Variants in NSL1 observed in about 807,000 individuals in gnomAD.
The protein encoded by NSL1 is kinetochore-associated protein NSL1 homolog.
A neutral mutation model predicts 25.4 loss-of-function variants in NSL1; 11 were observed. The ratio of observed to expected loss-of-function variants is 0.43; its 90% confidence interval spans 0.27 to 0.72. NSL1 has a LOEUF of 0.72. Among genes scored for constraint, NSL1 ranks in the 30% least tolerant of loss-of-function variants. The pLI is 0.19. For missense variants in NSL1, 330 were observed against 342.7 expected (o/e 0.96, Z 0.29); for synonymous variants, 118 against 120.6 (o/e 0.98, Z 0.14).
intron 4 of NSL1, chr1:212,782,021 A>G (rs746050849): frequency 1.8e-6 from 1 of 546,020 alleles, no homozygotes; most frequent in Non-Finnish European, 3.6e-6. Flanking sequence ...TGACACTATG[A>G]GAGAATGCTT....
intron 4 of NSL1, among the ~76,000 whole-genome samples, chr1:212,740,763 A>G (rs1319781806): frequency 6.6e-6 from 1 of 152,202 alleles, no homozygotes; most frequent in Non-Finnish European, 1.5e-5. Context: ...TGCTTATTCT[A>G]AAATTTCAGA....
intron 4 of NSL1, among the ~76,000 whole-genome samples, chr1:212,743,047 T>C (rs1658575621): frequency 6.6e-6 from 1 of 152,236 alleles, no homozygotes; most frequent in Non-Finnish European, 1.5e-5. Flanking sequence ...TTAATTAAAA[T>C]TGTTGGAAAT....
At chr1:212,775,667 C>T (rs1306946860) in intron 4 of NSL1, among the ~76,000 whole-genome samples, 1 of 151,460 alleles carries the variant, frequency 6.6e-6, no homozygotes, top group Non-Finnish European at 1.5e-5. Context: ...TTACTACCCA[C>T]AGACTTTTAA....
At position 212,791,558 on chromosome 1, in the gene NSL1, C is replaced by T. The variant is rs912460744; in HGVS notation, c.206G>A (p.Arg69Gln). 6 of 1,613,616 alleles carry T rather than the reference C, an allele frequency of 3.7e-6. No individual in the cohort carries two copies. The Admixed American group carries it at 6.7e-5, about 18-fold the overall frequency. ...KLGDALPEEI[R>Q]EPALRDAQWT... is the part of the protein sequence containing the mutation. ...CTGCGCATCTCGCAGAGCGGGCTCC[C>T]GAATCTCCTCCGGCAGAGCGTCCCC... Residue 69 changes from arginine to glutamine, a missense_variant, in exon 1 of 6, where the codon CGG (arginine) becomes CAG (glutamine). Arg to Gln is a conservative substitution (Grantham distance 43). Coordinates refer to ENST00000366977, the MANE Select transcript of NSL1 (RefSeq NM_015471.4).
chr1:212,769,496 A>C (rs569608692), intron 4 of NSL1, among the ~76,000 whole-genome samples: 57 of 152,334 alleles, frequency 3.7e-4, no homozygotes, highest in African/African-American at 1.3e-3. Context: ...CCTGTCAGCC[A>C]AGAATATTAT....
intron 4 of NSL1, among the ~76,000 whole-genome samples, chr1:212,740,345 T>C (rs1391079256): frequency 6.6e-6 from 1 of 152,208 alleles, no homozygotes; most frequent in Non-Finnish European, 1.5e-5. Context: ...TTTTCTTTTC[T>C]GACTTGTCTT....
At chr1:212,788,788 T>C (rs969773194) in intron 1 of NSL1, among the ~76,000 whole-genome samples, 1 of 152,202 alleles carries the variant, frequency 6.6e-6, no homozygotes, top group African/African-American at 2.4e-5. Context: ...ACAATATTCA[T>C]ACCACGCAGT....
chr1:212,775,230 C>T (rs1422015947), intron 4 of NSL1, among the ~76,000 whole-genome samples: 5 of 152,088 alleles, frequency 3.3e-5, no homozygotes, highest in African/African-American at 9.7e-5. Flanking sequence ...TAGTGGCCGC[C>T]TAGGACCAGG....
At chr1:212,769,027 CAG>C (rs983807845) in intron 4 of NSL1, among the ~76,000 whole-genome samples, 18 of 149,238 alleles carry the variant, frequency 1.2e-4, no homozygotes, top group Non-Finnish European at 1.9e-4. Context: ...GCCTGGGTGA[CAG>C]AGTGAGACCC....
At chr1:212,739,833 G>C (rs1167117993) in intron 4 of NSL1, among the ~76,000 whole-genome samples, 4 of 152,130 alleles carry the variant, frequency 2.6e-5, no homozygotes, top group African/African-American at 7.2e-5. Flanking sequence ...TCATAACACT[G>C]TGTGCCCCTA....
chr1:212,728,556 G>T lies in NSL1; in HGVS notation c.*9852C>A, dbSNP rs1657880238. On this transcript the variant is annotated 3_prime_UTR_variant, in exon 6 of 6. Transcript: ENST00000366977. ...TTGTTCAAACAATTTTTTCAAATCAGATTTACAGAGGGATAGAAATGAGAA... is the reference window on the plus strand; with the variant it reads ...TTGTTCAAACAATTTTTTCAAATCATATTTACAGAGGGATAGAAATGAGAA... 3.0e-6 allele frequency: 3 copies of T among 985,410 alleles called. No homozygotes were observed. Among genetic ancestry groups the T allele is most frequent in the Non-Finnish European group, 3.6e-6 (3 of 829,918 alleles). 61.0% of individuals were successfully genotyped at this position (985,410 alleles called of 1,614,324 possible). A position where few individuals can be genotyped will look rare whatever the true frequency, so the allele number is the denominator to read the frequency against.
intron 4 of NSL1, chr1:212,781,978 A>T: frequency 2.1e-6 from 1 of 480,970 alleles, no homozygotes; most frequent in South Asian, 1.6e-5. Flanking sequence ...TTTAGAAATA[A>T]TGAGAAACCA....
Position 212,728,180 on chromosome 1 carries a change from T to C in NSL1, c.*10228A>G. 1 of 930,812 alleles carries C rather than the reference T, an allele frequency of 1.1e-6. No individual in the cohort carries two copies. Among genetic ancestry groups the C allele is most frequent in the South Asian group, 5.0e-5 (1 of 20,114 alleles). 57.7% of individuals were successfully genotyped at this position (930,812 alleles called of 1,614,324 possible). ...GATGGTGCATGTGAAGCTTTTAGCA[T>C]GATCATGGCATGTAGTAAGCACTCA... On this transcript the variant is annotated 3_prime_UTR_variant, in exon 6 of 6. Transcript: ENST00000366977.
At chr1:212,748,986 A>G (rs2102439928) in intron 4 of NSL1, among the ~76,000 whole-genome samples, 1 of 152,314 alleles carries the variant, frequency 6.6e-6, no homozygotes, top group South Asian at 2.1e-4. Context: ...ATACATGAAA[A>G]CATAATAGGC....
chr1:212,759,840 A>G (rs972384425), intron 4 of NSL1, among the ~76,000 whole-genome samples: 1 of 152,118 alleles, frequency 6.6e-6, no homozygotes, highest in African/African-American at 2.4e-5. Context: ...AGTGCAGTGC[A>G]CCAGGGAGGC....
chr1:212,774,057 C>T lies in NSL1; in HGVS notation c.499+8315G>A, dbSNP rs148266159. ...GAGGCTGGGAAGGGTATGTGCGGAG[C>T]GGGGAAGGGAGTATGGAGAGGATGC... On this transcript the variant is annotated intron_variant, in intron 4 of 5. Coordinates refer to ENST00000366977, the MANE Select transcript of NSL1 (RefSeq NM_015471.4). 4.0e-3 allele frequency among the ~76,000 whole-genome samples: 598 copies of T among 151,354 alleles called. 3 individuals carry two copies. Among genetic ancestry groups the T allele is most frequent in the Non-Finnish European group, 6.6e-3 (450 of 67,880 alleles).
At chr1:212,769,887 T>C (rs2102380987) in intron 4 of NSL1, among the ~76,000 whole-genome samples, 1 of 152,282 alleles carries the variant, frequency 6.6e-6, no homozygotes, top group Non-Finnish European at 1.5e-5. Context: ...GATTATCCAC[T>C]TAAAAGACAA....
chr1:212,782,485 T>G, intron 3 of NSL1, 59 bp from the exon 4 acceptor site: 5 of 1,155,192 alleles, frequency 4.3e-6, no homozygotes, highest in Non-Finnish European at 6.5e-6. Flanking sequence ...TAAACATCTC[T>G]TTCAGCTAAT....
At chr1:212,770,550 T>C (rs114012286) in intron 4 of NSL1, among the ~76,000 whole-genome samples, 2,180 of 151,820 alleles carry the variant, frequency 0.014, 57 homozygotes, top group African/African-American at 0.051. Flanking sequence ...GAATCAGTAA[T>C]AAAAAGGCTC....
Sources: allele counts gnomAD v4.1 joint callset (sites outside exome capture counted in the v4.1 genomes callset), GRCh38; gene constraint gnomAD v4.1.1; transcripts MANE v1.5; gene names NCBI Gene and HGNC (gene_info 2026-07-23, HGNC 2026-07-21).